MUC5AC: variants seen among roughly 807,000 people sequenced by gnomAD.
MUC5AC encodes mucin-5AC.
In MUC5AC, 158 loss-of-function variants were observed where a neutral mutation model predicts 169.7. That is an observed-to-expected ratio of 0.93 (90% CI 0.82 to 1.06). The LOEUF (loss-of-function observed/expected upper bound fraction) is 1.06, where lower values mean the gene tolerates loss of function less well. MUC5AC is among the 50% of genes least tolerant of loss of function. MUC5AC has a pLI of 0.00. For missense variants in MUC5AC, 4,359 were observed against 3,089.9 expected, an observed-to-expected ratio of 1.41 and a Z score of -9.74; for synonymous variants, 1,975 against 1,237.0, an observed-to-expected ratio of 1.60 and a Z score of -12.52.
At position 1,174,641 on chromosome 11, in the gene MUC5AC, C is replaced by T. The variant is rs1860629821; in HGVS notation, c.2092+19C>T. ...GTCTGCAGTGAGTGCCTGCCAAGCCCAGCCCCTTTCCCTCGCTGGGTGGCC... is the reference window on the plus strand; with the variant it reads ...GTCTGCAGTGAGTGCCTGCCAAGCCTAGCCCCTTTCCCTCGCTGGGTGGCC... On this transcript the variant is annotated intron_variant, in intron 17 of 48. Coordinates refer to ENST00000621226, the MANE Select transcript of MUC5AC (RefSeq NM_001304359.2). 5.3e-6 allele frequency: 5 copies of T among 948,146 alleles called. No homozygotes were observed. The highest frequency in any genetic ancestry group is 4.9e-4 in the Middle Eastern group (2 of 4,092). The allele number at this position is 948,146 out of a possible 1,614,324, so 58.7% of individuals were successfully genotyped here.
chr11:1,163,639 C>T (rs373122562), intron 6 of MUC5AC, among the ~76,000 whole-genome samples: 12 of 152,126 alleles, frequency 7.9e-5, no homozygotes, highest in Non-Finnish European at 1.0e-4. Context: ...CCCTGTGGCC[C>T]GGACACCAAC....
Position 1,189,527 on chromosome 11 carries a change from C to T in MUC5AC, c.11382C>T (p.Ala3794=). The T allele has an allele frequency of 1.7e-6, 1 of 598,448 alleles. No individual in the cohort carries two copies. The highest frequency in any genetic ancestry group is 1.9e-5 in the African/African-American group (1 of 53,986). 37.1% of individuals were successfully genotyped at this position (598,448 alleles called of 1,614,324 possible). Residue 3794 remains alanine (A), a synonymous_variant, in exon 31 of 49, where the codon GCC becomes GCT. Coordinates refer to ENST00000621226, the MANE Select transcript of MUC5AC (RefSeq NM_001304359.2). ...CTCCCATAACCAGCACAATCTCTGC[C>T]CCTACAACCAGCACAACCTCCACTC... ...TSAPITSTIS[A]PTTSTTSTPQ...
rs2133752108 is a variant in MUC5AC at position 1,182,241 on chromosome 11, A to G, written c.4096A>G (p.Thr1366Ala). The G allele has an allele frequency of 2.5e-6, 1 of 398,556 alleles. No individual in the cohort carries two copies. Among genetic ancestry groups the G allele is most frequent in the South Asian group, 1.3e-4 (1 of 7,850 alleles). 24.7% of individuals were successfully genotyped at this position (398,556 alleles called of 1,614,324 possible). The change falls in exon 31 of 49, where the codon ACT becomes GCT. Residue 1366 changes from threonine to alanine, a missense_variant. Thr to Ala is a moderately conservative substitution (Grantham distance 58). Transcript: ENST00000621226. ...PSSAWPTTAG[T>A]SPRTRLPTAS... ...CAGCGCCTGGCCCACCACAGCAGGC[A>G]CTTCTCCCAGGACGAGGCTGCCCAC...
intron 1 of MUC5AC, among the ~76,000 whole-genome samples, chr11:1,160,353 C>T (rs1039662955): frequency 2.0e-5 from 3 of 151,942 alleles, no homozygotes; most frequent in Non-Finnish European, 2.9e-5. Context: ...CAGATCGGGG[C>T]GAAGGGTCCT....
Position 1,165,411 on chromosome 11 carries a change from C to T in MUC5AC, c.1239C>T (p.Cys413=). 6.2e-7 allele frequency: 1 copy of T among 1,605,730 alleles called. No homozygotes were observed. Among genetic ancestry groups the T allele is most frequent in the Non-Finnish European group, 8.5e-7 (1 of 1,177,928 alleles). Residue 413 remains cysteine, a synonymous_variant, in exon 10 of 49, where the codon TGC becomes TGT. Coordinates refer to ENST00000621226, the MANE Select transcript of MUC5AC (RefSeq NM_001304359.2). ...CAGGGGCCACCTACTCCACAGACTGCACCAACTGGTAGGTCCCAGCCCCCC... is the reference window on the plus strand; with the variant it reads ...CAGGGGCCACCTACTCCACAGACTGTACCAACTGGTAGGTCCCAGCCCCCC... ...YAPGATYSTD[C]TNCTCSGGRW...
chr11:1,177,757 T>G (rs1590141892), intron 24 of MUC5AC, 124 bp downstream of exon 24: 33 of 328,628 alleles, frequency 1.0e-4, no homozygotes, highest in Middle Eastern at 7.9e-4. Flanking sequence ...GGAAGCGGGG[T>G]GGGAAGTGGG....
Position 1,164,502 on chromosome 11 carries a change from C to G in MUC5AC, c.1099C>G (p.His367Asp). Reference sequence around the variant, plus strand: ...GGAGCACTCCCGGGCCTGTGAGGACCACTGTGTGGCCGGCTGCTTCTGCCC... The same window carrying G: ...GGAGCACTCCCGGGCCTGTGAGGACGACTGTGTGGCCGGCTGCTTCTGCCC... Reference protein sequence around the residue: ...NQEHSRACEDHCVAGCFCPEG... With the variant: ...NQEHSRACEDDCVAGCFCPEG... Residue 367 changes from histidine (H) to aspartate (D), a missense_variant, in exon 9 of 49, where the codon CAC (histidine) becomes GAC (aspartate). His to Asp is a moderately conservative substitution (Grantham distance 81). Transcript: ENST00000621226. The G allele has an allele frequency of 6.2e-7, 1 of 1,611,646 alleles. No homozygotes were observed. Among genetic ancestry groups the G allele is most frequent in the South Asian group, 1.1e-5 (1 of 90,846 alleles).
rs1302261029 is a variant in MUC5AC, at chr11:1,178,477, G to T, written c.3121G>T (p.Asp1041Tyr). The T allele has an allele frequency of 6.1e-5, 57 of 936,016 alleles. 2 individuals are homozygous for T. The South Asian group carries it at 1.7e-3, about 27-fold the overall frequency. The allele number at this position is 936,016 out of a possible 1,614,324, so 58.0% of individuals were successfully genotyped here. ...RVCGLCGNFD[D>Y]IAVNDFATRS... is the part of the protein sequence containing the mutation. ...CTGCGGCCTGTGTGGGAACTTCGAC[G>T]ACATCGCCGTTAATGACTTTGCCAC... The change falls in exon 25 of 49, where the codon GAC becomes TAC. Residue 1041 changes from aspartate (D) to tyrosine (Y), a missense_variant. Transcript: ENST00000621226.
chr11:1,177,850 C>T (rs1334745840), intron 24 of MUC5AC, among the ~76,000 whole-genome samples: 1 of 152,214 alleles, frequency 6.6e-6, no homozygotes, highest in Non-Finnish European at 1.5e-5. Context: ...CAAAGGCCCG[C>T]ACCCTGGCGG....
At position 1,192,319 on chromosome 11, in the gene MUC5AC, G is replaced by C; in HGVS notation, c.14174G>C (p.Cys4725Ser). 1.3e-6 allele frequency: 1 copy of C among 765,130 alleles called. No individual in the cohort carries two copies. The highest frequency in any genetic ancestry group is 2.4e-6 in the Non-Finnish European group (1 of 417,898). 47.4% of individuals were successfully genotyped at this position (765,130 alleles called of 1,614,324 possible). The change falls in exon 31 of 49, where the codon TGC becomes TCC. Residue 4725 changes from cysteine (C) to serine (S), a missense_variant. Physicochemically the swap from Cys to Ser is moderately radical, Grantham distance 112. Transcript: ENST00000621226. ...CLNYEVRVLC[C>S]ETPRGCPVTS... ...AACTACGAGGTGCGCGTGCTCTGCT[G>C]CGAGACCCCCAGAGGCTGCCCGGTG...
intron 1 of MUC5AC, among the ~76,000 whole-genome samples, chr11:1,159,509 G>A (rs568032847): frequency 1.1e-3 from 157 of 142,494 alleles, no homozygotes; most frequent in African/African-American, 3.4e-3. Context: ...TGCGAGGCTG[G>A]GGTCTGGTCC....
chr11:1,171,982 C>G (rs1023397251), intron 15 of MUC5AC, among the ~76,000 whole-genome samples: 42 of 151,138 alleles, frequency 2.8e-4, no homozygotes, highest in African/African-American at 9.2e-4. Flanking sequence ...CACTCACTCA[C>G]TCAGTCATTC....
Position 1,168,952 on chromosome 11 carries a change from C to A in MUC5AC, c.1796C>A (p.Thr599Asn). The A allele has an allele frequency of 6.2e-7, 1 of 1,611,608 alleles. No individual in the cohort carries two copies. The highest frequency in any genetic ancestry group is 8.5e-7 in the Non-Finnish European group (1 of 1,179,256). The change falls in exon 15 of 49, where the codon ACC becomes AAC. Residue 599 changes from threonine to asparagine, a missense_variant. Thr to Asn is a moderately conservative substitution (Grantham distance 65, BLOSUM62 0). Coordinates refer to ENST00000621226, the MANE Select transcript of MUC5AC (RefSeq NM_001304359.2). ...VEATAAAFFN[T>N]FKTQAACPNI... ...GCCACCGCTGCGGCCTTCTTCAACA[C>A]CTTCAAGACCCAGGCCGCCTGCCCC...
At position 1,197,454 on chromosome 11, in the gene MUC5AC, C is replaced by T. The variant is rs758739888; in HGVS notation, c.15862-14C>T. On this transcript the variant is annotated splice_polypyrimidine_tract_variant and intron_variant, in intron 40 of 48. Coordinates refer to ENST00000621226, the MANE Select transcript of MUC5AC (RefSeq NM_001304359.2). Reference sequence around the variant, plus strand: ...GCCGCTGCGGACGCTGGACCTCAGTCCCCTTCCTTGCAGGTGGGCCACACC... The same window carrying T: ...GCCGCTGCGGACGCTGGACCTCAGTTCCCTTCCTTGCAGGTGGGCCACACC... 1.4e-6 allele frequency: 1 copy of T among 706,490 alleles called. No homozygotes were observed. Among genetic ancestry groups the T allele is most frequent in the Non-Finnish European group, 2.6e-6 (1 of 388,528 alleles). 43.8% of individuals were successfully genotyped at this position (706,490 alleles called of 1,614,324 possible).
rs368782276 is a variant in MUC5AC, at chr11:1,163,023, G to A, written c.657G>A (p.Val219=). ...GTGGGGACTTCAACGGGATGCCCGT[G>A]GTCAGCGAGCTCCTCTCCCACAGTA... ...GLCGDFNGMP[V]VSELLSHNTK... The change falls in exon 6 of 49, where the codon GTG becomes GTA. Residue 219 remains valine, a synonymous_variant. Transcript: ENST00000621226. The A allele has an allele frequency of 3.7e-6, 6 of 1,612,460 alleles. No homozygotes were observed. Among genetic ancestry groups the A allele is most frequent in the Middle Eastern group, 1.6e-4 (1 of 6,080 alleles).
In MUC5AC at chr11:1,158,087, C is replaced by T; in HGVS notation, c.73+15C>T. 5 of 1,589,316 alleles carry T rather than the reference C, an allele frequency of 3.1e-6. No individual in the cohort carries two copies. The highest frequency in any genetic ancestry group is 2.3e-5 in the East Asian group (1 of 43,948). On this transcript the variant is annotated intron_variant, in intron 1 of 48. Coordinates refer to ENST00000621226, the MANE Select transcript of MUC5AC (RefSeq NM_001304359.2). ...CCGGCATACAGGTACGGCTTGGCCC[C>T]TGGCCGCTCTACTGGTCCTGGGTGG... is the stretch of plus-strand genomic sequence containing the variant.
In MUC5AC at chr11:1,182,388, G is replaced by C; in HGVS notation, c.4243G>C (p.Ala1415Pro). 1 of 398,588 alleles carries C rather than the reference G, an allele frequency of 2.5e-6. No individual in the cohort carries two copies. The highest frequency in any genetic ancestry group is 4.4e-6 in the Non-Finnish European group (1 of 226,020). 24.7% of individuals were successfully genotyped at this position (398,588 alleles called of 1,614,324 possible). ...CTTCGACACACTGGAGAACCTCCGC[G>C]CCCATGGGTACCGGGTGTGCGAATC... ...GDFDTLENLR[A>P]HGYRVCESPR... The change falls in exon 31 of 49, where the codon GCC becomes CCC. Residue 1415 changes from alanine (A) to proline (P), a missense_variant. By Grantham distance (27) the Ala-to-Pro change is conservative. Transcript: ENST00000621226.
intron 40 of MUC5AC, 85 bp from the exon 41 acceptor site, chr11:1,197,383 C>A: frequency 1.5e-6 from 1 of 673,748 alleles, no homozygotes; most frequent in Non-Finnish European, 2.7e-6. Flanking sequence ...CACCTGGCTG[C>A]CCCGGCACTG....
chr11:1,200,172 C>T (rs762165595), intron 48 of MUC5AC, among the ~76,000 whole-genome samples: 5 of 152,340 alleles, frequency 3.3e-5, no homozygotes, highest in African/African-American at 7.2e-5. Flanking sequence ...GTCGGCATCA[C>T]GCTCTCCTGT....
Sources: allele counts gnomAD v4.1 joint callset (sites outside exome capture counted in the v4.1 genomes callset), GRCh38; gene constraint gnomAD v4.1.1; transcripts MANE v1.5; gene names NCBI Gene and HGNC (gene_info 2026-07-23, HGNC 2026-07-21).